The following STPG2 variants were observed in gnomAD, a reference collection of about 807,000 sequenced individuals.
The protein encoded by STPG2 is sperm tail PG-rich repeat containing 2.
STPG2 carries 56 observed loss-of-function variants against 54.2 expected under a neutral mutation model. The observed-to-expected ratio is 1.03, with a 90% CI of 0.83 to 1.29. The LOEUF (loss-of-function observed/expected upper bound fraction) is 1.29, where lower values mean the gene tolerates loss of function less well. Among genes scored for constraint, STPG2 ranks in the 50% most tolerant of loss-of-function variants. The pLI is 0.00. For missense variants in STPG2, 596 were observed against 544.9 expected, an observed-to-expected ratio of 1.09 and a Z score of -0.93; for synonymous variants, 200 against 181.8, an observed-to-expected ratio of 1.10 and a Z score of -0.81.
chr4:97,470,742 G>A (rs1475377854), intron 4 of STPG2, among the ~76,000 whole-genome samples: 2 of 152,046 alleles, frequency 1.3e-5, no homozygotes, highest in African/African-American at 4.8e-5. Flanking sequence ...CAATTCTTGT[G>A]ATAATGTGAG....
chr4:97,715,984 A>C (rs4699571), intron 9 of STPG2, among the ~76,000 whole-genome samples: 3,451 of 152,356 alleles, frequency 0.023, 48 homozygotes, highest in Middle Eastern at 0.082. Flanking sequence ...CAAAGAATTC[A>C]AACAAATGTA....
intron 9 of STPG2, among the ~76,000 whole-genome samples, chr4:97,742,835 A>T (rs1725306139): frequency 1.3e-5 from 2 of 151,644 alleles, no homozygotes; most frequent in Admixed American, 1.3e-4. Context: ...AGAGATCTCA[A>T]GTACAGCATG....
chr4:97,548,018 C>T (rs940541733), intron 4 of STPG2, among the ~76,000 whole-genome samples: 14 of 152,120 alleles, frequency 9.2e-5, no homozygotes, highest in Non-Finnish European at 1.5e-4. Context: ...GGCGTGGTGG[C>T]GCATGCCTGT....
At chr4:97,943,586 G>A (rs914325848) in intron 8 of STPG2, among the ~76,000 whole-genome samples, 3 of 152,112 alleles carry the variant, frequency 2.0e-5, no homozygotes, top group African/African-American at 4.8e-5. Flanking sequence ...AGTAAAATGA[G>A]TTGAACCTAG....
At chr4:97,526,373 A>G (rs1731280605) in intron 4 of STPG2, among the ~76,000 whole-genome samples, 1 of 152,120 alleles carries the variant, frequency 6.6e-6, no homozygotes, top group Admixed American at 6.6e-5. Flanking sequence ...TTAGCATAAA[A>G]TCTACCACAG....
intron 5 of STPG2, among the ~76,000 whole-genome samples, chr4:98,085,984 G>T (rs1578842082): frequency 6.6e-6 from 1 of 152,012 alleles, no homozygotes; most frequent in African/African-American, 2.4e-5. Context: ...GTAGGCAACG[G>T]CTCAGATGAG....
At chr4:97,606,444 A>G (rs1289487957) in intron 10 of STPG2, among the ~76,000 whole-genome samples, 1 of 151,884 alleles carries the variant, frequency 6.6e-6, no homozygotes, top group Non-Finnish European at 1.5e-5. Context: ...AAAATACAGA[A>G]AGTGTAAAAA....
intron 10 of STPG2, among the ~76,000 whole-genome samples, chr4:97,708,760 T>C (rs777323296): frequency 6.6e-6 from 1 of 151,672 alleles, no homozygotes; most frequent in Non-Finnish European, 1.5e-5. Flanking sequence ...TGTTAATGCA[T>C]TTTCTCATTT....
At chr4:97,808,952 A>C (rs1727655438) in intron 9 of STPG2, among the ~76,000 whole-genome samples, 1 of 152,048 alleles carries the variant, frequency 6.6e-6, no homozygotes, top group Non-Finnish European at 1.5e-5. Context: ...TATAAAGAAA[A>C]ATGGACTGAA....
At chr4:97,965,291 G>A (rs1348395642) in intron 7 of STPG2, among the ~76,000 whole-genome samples, 1 of 152,140 alleles carries the variant, frequency 6.6e-6, no homozygotes, top group Admixed American at 6.5e-5. Flanking sequence ...CAGGGGGAGG[G>A]GTGTCTGCCA....
At chr4:97,683,740 T>G (rs1164352962) in intron 10 of STPG2, among the ~76,000 whole-genome samples, 2 of 151,818 alleles carry the variant, frequency 1.3e-5, no homozygotes, top group Non-Finnish European at 3.0e-5. Context: ...CCACTAGTAT[T>G]CTATATAATA....
chr4:97,631,971 C>G (rs1006464996), intron 10 of STPG2, among the ~76,000 whole-genome samples: 1 of 151,942 alleles, frequency 6.6e-6, no homozygotes, highest in East Asian at 1.9e-4. Flanking sequence ...ATAATAGATG[C>G]TTGTCCATCA....
intron 8 of STPG2, among the ~76,000 whole-genome samples, chr4:97,901,866 T>G (rs1158890637): frequency 1.3e-5 from 2 of 151,828 alleles, no homozygotes; most frequent in Non-Finnish European, 2.9e-5. Flanking sequence ...CACACTTGAG[T>G]AAGAAGGACA....
At chr4:98,061,870 C>G (rs2695463) in intron 5 of STPG2, among the ~76,000 whole-genome samples, 1 of 151,932 alleles carries the variant, frequency 6.6e-6, no homozygotes, top group Non-Finnish European at 1.5e-5. Context: ...AGTTCAAACA[C>G]TATGGAAAGC....
intron 5 of STPG2, among the ~76,000 whole-genome samples, chr4:97,999,626 G>A (rs1292321371): frequency 6.6e-6 from 1 of 152,050 alleles, no homozygotes; most frequent in Non-Finnish European, 1.5e-5. Context: ...TTGAACCCAG[G>A]AGGCAGAGGT....
intron 8 of STPG2, among the ~76,000 whole-genome samples, chr4:97,897,539 C>A (rs1489013189): frequency 6.6e-6 from 1 of 151,972 alleles, no homozygotes; most frequent in East Asian, 1.9e-4. Context: ...TGTTAGCATT[C>A]TTTTTTCTCT....
chr4:97,557,262 C>T (rs1021545982), downstream of STPG2, among the ~76,000 whole-genome samples: 11 of 152,192 alleles, frequency 7.2e-5, no homozygotes, highest in Non-Finnish European at 8.8e-5. Context: ...TACAGTTACT[C>T]ATTTAGAAAA....
chr4:97,725,246 A>C (rs1235437912), intron 9 of STPG2, among the ~76,000 whole-genome samples: 1 of 152,016 alleles, frequency 6.6e-6, no homozygotes, highest in Non-Finnish European at 1.5e-5. Context: ...CAGAGTTGCA[A>C]GTCAGAACTG....
intron 9 of STPG2, among the ~76,000 whole-genome samples, chr4:97,729,519 T>C (rs1724731747): frequency 6.6e-6 from 1 of 152,222 alleles, no homozygotes; most frequent in South Asian, 2.1e-4. Context: ...TATTAGAAAC[T>C]GAATTTGGCA....
Sources: gnomAD v4.1 joint callset for allele counts (sites outside exome capture counted in the v4.1 genomes callset) on GRCh38, gnomAD v4.1.1 for gene constraint, MANE v1.5 for transcripts, NCBI Gene and HGNC (gene_info 2026-07-23, HGNC 2026-07-21) for gene names.